The following DGKB variants were observed in gnomAD, a reference collection of about 807,000 sequenced individuals.
The protein encoded by DGKB is diacylglycerol kinase beta.
DGKB carries 67 observed loss-of-function variants against 114.3 expected under a neutral mutation model. The ratio of observed to expected loss-of-function variants is 0.59; its 90% CI spans 0.48 to 0.72. The LOEUF (loss-of-function observed/expected upper bound fraction) is 0.72. Among genes scored for constraint, DGKB ranks in the 30% least tolerant of loss-of-function variants. DGKB has a pLI of 0.00. For synonymous variants in DGKB, 398 were observed against 323.1 expected (o/e 1.23, Z -2.49); for missense variants, 907 against 975.2 (o/e 0.93, Z 0.93).
At chr7:14,236,187 C>T (rs1319103391) in intron 23 of DGKB, among the ~76,000 whole-genome samples, 1 of 151,700 alleles carries the variant, frequency 6.6e-6, no homozygotes, top group African/African-American at 2.4e-5. Flanking sequence ...CCAATAATAC[C>T]TCAAAATCAT....
intron 23 of DGKB, among the ~76,000 whole-genome samples, chr7:14,273,697 CT>C (rs1562804304): frequency 6.6e-6 from 1 of 152,198 alleles, no homozygotes; most frequent in Non-Finnish European, 1.5e-5. Flanking sequence ...TGTATCTCCA[CT>C]GGCTAAGCTC....
chr7:14,429,040 T>C (rs73280918), intron 21 of DGKB, among the ~76,000 whole-genome samples: 1,694 of 152,302 alleles, frequency 0.011, 32 homozygotes, highest in African/African-American at 0.039. Context: ...TTAAACTCTG[T>C]AGCCAAAGGC....
intron 21 of DGKB, among the ~76,000 whole-genome samples, chr7:14,349,749 G>T (rs1813116805): frequency 1.3e-5 from 2 of 152,104 alleles, no homozygotes; most frequent in East Asian, 1.9e-4. Flanking sequence ...CTGGTTTTAG[G>T]TTGTAGAAAT....
At chr7:14,569,233 C>T (rs1408524281) in intron 20 of DGKB, among the ~76,000 whole-genome samples, 1 of 152,066 alleles carries the variant, frequency 6.6e-6, no homozygotes, top group Non-Finnish European at 1.5e-5. Flanking sequence ...AGGAATGCCT[C>T]CTCTCTTTAT....
intron 20 of DGKB, among the ~76,000 whole-genome samples, chr7:14,560,909 C>T (rs530374173): frequency 3.9e-5 from 6 of 152,186 alleles, no homozygotes; most frequent in Admixed American, 2.0e-4. Flanking sequence ...GATGATATCT[C>T]GTTGTGCTTT....
chr7:14,883,319 T>G (rs1242173301), intron 1 of DGKB, among the ~76,000 whole-genome samples: 2 of 151,952 alleles, frequency 1.3e-5, no homozygotes, highest in African/African-American at 4.8e-5. Flanking sequence ...GTATGAAGCC[T>G]CAATAAAATT....
chr7:14,310,678 T>C (rs1805247700), intron 23 of DGKB, among the ~76,000 whole-genome samples: 1 of 152,278 alleles, frequency 6.6e-6, no homozygotes, highest in Middle Eastern at 3.4e-3. Context: ...ATAAAGTAGA[T>C]AACAGATCTT....
Position 14,471,166 on chromosome 7 carries a change from A to ATATGGAATATATGTATATATACATATATG in DGKB, c.1835+6966_1835+6994dup, listed in dbSNP as rs1247483607. On this transcript the variant is annotated intron_variant, in intron 21 of 25. Coordinates refer to ENST00000402815, the MANE Select transcript of DGKB (RefSeq NM_001350709.2). ...TCTTAGAAATGATAATTTTCCATAT[A>ATATGGAATATATGTATATATACATATATG]TATGGAATATATGTATATATACATA... 2.6e-4 allele frequency among the ~76,000 whole-genome samples: 34 copies of ATATGGAATATATGTATATATACATATATG among 130,824 alleles called. 8 individuals carry two copies. Among genetic ancestry groups the ATATGGAATATATGTATATATACATATATG allele is most frequent in the Non-Finnish European group, 4.5e-4 (27 of 59,884 alleles). The allele number at this position is 130,824 out of a possible 152,430, so 85.8% of individuals were successfully genotyped here.
At chr7:14,825,695 A>G (rs532509236) in intron 2 of DGKB, among the ~76,000 whole-genome samples, 3 of 152,256 alleles carry the variant, frequency 2.0e-5, no homozygotes, top group African/African-American at 7.2e-5. Flanking sequence ...TGGTACCAGT[A>G]CAGGTCAGTG....
chr7:14,332,654 C>G (rs1236180783), intron 23 of DGKB, among the ~76,000 whole-genome samples: 1 of 152,034 alleles, frequency 6.6e-6, no homozygotes, highest in Non-Finnish European at 1.5e-5. Context: ...GCATTTCTTA[C>G]CACAAAGAGA....
chr7:14,773,452 C>A (rs1036771275), intron 2 of DGKB, among the ~76,000 whole-genome samples: 1 of 151,898 alleles, frequency 6.6e-6, no homozygotes, highest in African/African-American at 2.4e-5. Context: ...TTATGTAGAA[C>A]TAAAAGGTAC....
chr7:14,316,057 C>A (rs1022557815), intron 23 of DGKB, among the ~76,000 whole-genome samples: 1 of 150,676 alleles, frequency 6.6e-6, no homozygotes, highest in African/African-American at 2.5e-5. Flanking sequence ...GAAATGAAGG[C>A]AGAAATAAAG....
At chr7:14,709,086 C>T (rs1826847115) in intron 6 of DGKB, among the ~76,000 whole-genome samples, 1 of 146,820 alleles carries the variant, frequency 6.8e-6, no homozygotes, top group African/African-American at 2.5e-5. Context: ...GGCTAATATC[C>T]AGAATCTACA....
intron 20 of DGKB, among the ~76,000 whole-genome samples, chr7:14,492,779 G>T (rs1028238554): frequency 3.9e-5 from 6 of 152,148 alleles, no homozygotes; most frequent in Admixed American, 2.0e-4. Flanking sequence ...AAATCCTTTT[G>T]ATAGCTTACA....
chr7:14,587,272 T>C (rs1382102885), intron 17 of DGKB, among the ~76,000 whole-genome samples: 2 of 152,064 alleles, frequency 1.3e-5, no homozygotes, highest in African/African-American at 2.4e-5. Flanking sequence ...GCAGATGTCA[T>C]AAAAACAGCA....
chr7:14,319,456 CAT>C (rs879637120), intron 23 of DGKB, among the ~76,000 whole-genome samples: 5 of 151,962 alleles, frequency 3.3e-5, no homozygotes, highest in African/African-American at 7.2e-5. Context: ...TTTATAGTAA[CAT>C]GTAATAGGTT....
intron 20 of DGKB, among the ~76,000 whole-genome samples, chr7:14,493,097 G>T (rs527565675): frequency 6.6e-6 from 1 of 152,034 alleles, no homozygotes; most frequent in Non-Finnish European, 1.5e-5. Flanking sequence ...TCTCTAATTA[G>T]GCAAGTATAT....
At chr7:14,648,064 G>T (rs577422734) in intron 13 of DGKB, among the ~76,000 whole-genome samples, 1 of 152,190 alleles carries the variant, frequency 6.6e-6, no homozygotes, top group Non-Finnish European at 1.5e-5. Flanking sequence ...AGCGAGGCTG[G>T]GGGAGGGGCG....
intron 21 of DGKB, among the ~76,000 whole-genome samples, chr7:14,346,574 C>T (rs958309357): frequency 8.6e-5 from 13 of 151,752 alleles, no homozygotes; most frequent in Admixed American, 2.0e-4. Flanking sequence ...TTATTCTTTT[C>T]CAGAGAATAT....
Sources: allele counts gnomAD v4.1 joint callset (sites outside exome capture counted in the v4.1 genomes callset), GRCh38; gene constraint gnomAD v4.1.1; transcripts MANE v1.5; gene names NCBI Gene and HGNC (gene_info 2026-07-23, HGNC 2026-07-21).